KCNMA1: variants seen among roughly 807,000 people sequenced by gnomAD.
KCNMA1 encodes the protein Calcium-activated potassium channel subunit alpha-1.
In KCNMA1, 29 loss-of-function variants were observed where a neutral mutation model predicts 140.0. The ratio of observed to expected loss-of-function variants is 0.21; its 90% CI spans 0.15 to 0.28. The LOEUF is 0.28. Among genes scored for constraint, KCNMA1 ranks in the 10% least tolerant of loss-of-function variants. The pLI, the probability that KCNMA1 is intolerant of heterozygous loss-of-function variation, is 1.00. For missense variants in KCNMA1, 880 were observed against 1,602.2 expected (o/e 0.55, Z 7.70); for synonymous variants, 612 against 611.9 (o/e 1.00, Z 0.00).
intron 3 of KCNMA1, chr10:77,249,389 G>T (rs2054377092): frequency 6.6e-6 from 1 of 151,984 alleles, no homozygotes; most frequent in Non-Finnish European, 1.5e-5. Flanking sequence ...CAGAACAAAA[G>T]ACTGCCTCAT....
At chr10:77,603,804 G>A (rs1193384531) in intron 1 of KCNMA1, among the ~76,000 whole-genome samples, 1 of 152,182 alleles carries the variant, frequency 6.6e-6, no homozygotes, top group Non-Finnish European at 1.5e-5. Context: ...AAGGCAATAT[G>A]GCTCTCAGTG....
intron 1 of KCNMA1, among the ~76,000 whole-genome samples, chr10:77,524,989 C>T (rs2055024127): frequency 6.6e-6 from 1 of 152,218 alleles, no homozygotes; most frequent in Admixed American, 6.5e-5. Context: ...GACCCCCTAA[C>T]CCAGTCAATA....
intron 3 of KCNMA1, among the ~76,000 whole-genome samples, chr10:77,238,842 A>C (rs1002334024): frequency 6.6e-6 from 1 of 152,202 alleles, no homozygotes; most frequent in South Asian, 2.1e-4. Flanking sequence ...CCTGGCAGGC[A>C]AAATTTTTGC....
At chr10:77,078,759 A>G (rs1429666321) in intron 13 of KCNMA1, among the ~76,000 whole-genome samples, 1 of 152,212 alleles carries the variant, frequency 6.6e-6, no homozygotes, top group Non-Finnish European at 1.5e-5. Context: ...TGTCAGGGAG[A>G]GTGCTAATCA....
chr10:77,389,501 C>T (rs2095735738), intron 2 of KCNMA1, among the ~76,000 whole-genome samples: 1 of 152,124 alleles, frequency 6.6e-6, no homozygotes, highest in Non-Finnish European at 1.5e-5. Flanking sequence ...GCTGTTATCT[C>T]ACCCAAGAGC....
At chr10:77,602,295 C>T (rs1027341351) in intron 1 of KCNMA1, among the ~76,000 whole-genome samples, 19 of 152,082 alleles carry the variant, frequency 1.2e-4, no homozygotes, top group Non-Finnish European at 2.5e-4. Context: ...TAGCATGACA[C>T]GGGCTCAGAA....
At chr10:77,176,758 C>A (rs891678462) in intron 5 of KCNMA1, among the ~76,000 whole-genome samples, 36 of 152,098 alleles carry the variant, frequency 2.4e-4, no homozygotes, top group African/African-American at 8.2e-4. Flanking sequence ...AATAATATGC[C>A]CCTTTTGGTA....
In KCNMA1 at chr10:76,887,395, G is replaced by A. The variant is rs755827132; in HGVS notation, c.3582C>T (p.His1194=). The A allele has an allele frequency of 3.7e-6, 6 of 1,614,074 alleles. No individual in the cohort carries two copies. The highest frequency in any genetic ancestry group is 5.1e-6 in the Non-Finnish European group (6 of 1,180,054). Residue 1194 remains histidine, a synonymous_variant, in exon 28 of 28, where the codon CAC becomes CAT. Coordinates refer to ENST00000286628, the MANE Select transcript of KCNMA1 (RefSeq NM_001161352.2). ...TCTTCTTGCTGGAGGACTGCGACGA[G>A]TGGGAGGAATGGGACAGGCTGGCCC... is the stretch of plus-strand genomic sequence containing the variant. The part of the protein sequence containing the change: ...QSRASLSHSS[H]SSQSSSKKSS...
intron 5 of KCNMA1, among the ~76,000 whole-genome samples, chr10:77,125,217 T>G (rs902955648): frequency 2.6e-5 from 4 of 152,170 alleles, no homozygotes; most frequent in Admixed American, 1.3e-4. Flanking sequence ...CTGGACCCCT[T>G]GTGTTCTCTG....
chr10:76,912,809 T>A (rs1487388772), intron 24 of KCNMA1: 1 of 152,200 alleles, frequency 6.6e-6, no homozygotes, highest in Non-Finnish European at 1.5e-5. Flanking sequence ...GATGTTTGGA[T>A]TAATTTTCCA....
At chr10:77,298,357 C>T (rs1601695624) in intron 2 of KCNMA1, among the ~76,000 whole-genome samples, 1 of 152,102 alleles carries the variant, frequency 6.6e-6, no homozygotes, top group Non-Finnish European at 1.5e-5. Context: ...ATTCTCCTGC[C>T]TCAGCGTCCC....
At chr10:77,022,794 C>A in intron 16 of KCNMA1, 1 of 212,338 alleles carries the variant, frequency 4.7e-6, no homozygotes, top group South Asian at 5.4e-5. Flanking sequence ...TTTCAAAGAA[C>A]AAGCTACAAT....
rs2065268918 is a variant in KCNMA1, at chr10:76,949,010, G to A, written c.2709+132C>T. ...TTCCTTGACAGAGCATAGGGGAAGT[G>A]CTGAGTCCTCAGGCCCATACCCAGA... On this transcript the variant is annotated intron_variant, in intron 22 of 27. Transcript: ENST00000286628. 3.6e-6 allele frequency: 3 copies of A among 838,014 alleles called. No individual in the cohort carries two copies. In the African/African-American group the frequency reaches 5.0e-5, roughly 14 times the overall value. 51.9% of individuals were successfully genotyped at this position (838,014 alleles called of 1,614,324 possible). A position where few individuals can be genotyped will look rare whatever the true frequency, so the allele number is the denominator to read the frequency against.
rs943765990 is a variant in KCNMA1, at chr10:77,066,489, C to T, written c.1749+6608G>A. Among the ~76,000 whole-genome samples the T allele has an allele frequency of 2.6e-5, 4 of 152,124 alleles. No homozygotes were observed. The East Asian group carries it at 5.8e-4, about 22-fold the overall frequency. On this transcript the variant is annotated intron_variant, in intron 14 of 27. Transcript: ENST00000286628. ...GGTTTGTGGACAAAGAAAAGGAATT[C>T]GATTGTGGAATGGTAAGTCTGAGAG...
chr10:76,921,936 T>TA (rs1257755545), intron 23 of KCNMA1, among the ~76,000 whole-genome samples: 3 of 151,996 alleles, frequency 2.0e-5, no homozygotes, highest in African/African-American at 7.2e-5. Context: ...GTTTACTCAA[T>TA]AAAAAAAAGA....
intron 1 of KCNMA1, among the ~76,000 whole-genome samples, chr10:77,476,162 C>T (rs192805603): frequency 8.3e-4 from 127 of 152,342 alleles, no homozygotes; most frequent in Non-Finnish European, 2.1e-4. Flanking sequence ...CTGCTGGGAG[C>T]AGCTCAGAGG....
In KCNMA1 at chr10:77,581,026, T is replaced by C. The variant is rs372550955; in HGVS notation, c.378+56239A>G. 4.6e-5 allele frequency among the ~76,000 whole-genome samples: 7 copies of C among 152,348 alleles called. No homozygotes were observed. In the East Asian group the frequency reaches 1.2e-3, roughly 25 times the overall value. ...GGTCCCCACACCTGGGAAGAATCCATGCTTGGCTTAATGCTCTGCTATCAC... is the reference window on the plus strand; with the variant it reads ...GGTCCCCACACCTGGGAAGAATCCACGCTTGGCTTAATGCTCTGCTATCAC... On this transcript the variant is annotated intron_variant, in intron 1 of 27. Coordinates refer to ENST00000286628, the MANE Select transcript of KCNMA1 (RefSeq NM_001161352.2).
chr10:77,268,409 C>T (rs1476376798), intron 2 of KCNMA1, among the ~76,000 whole-genome samples: 3 of 152,116 alleles, frequency 2.0e-5, no homozygotes, highest in Non-Finnish European at 4.4e-5. Context: ...CATTTCCATG[C>T]TGCTAGTGGT....
chr10:77,411,952 C>A (rs950925789), intron 1 of KCNMA1, among the ~76,000 whole-genome samples: 1 of 152,244 alleles, frequency 6.6e-6, no homozygotes, highest in Non-Finnish European at 1.5e-5. Context: ...CCTCGCCATG[C>A]GTATCCTTGG....
Sources: allele counts gnomAD v4.1 joint callset (sites outside exome capture counted in the v4.1 genomes callset), GRCh38; gene constraint gnomAD v4.1.1; transcripts MANE v1.5; gene names NCBI Gene and HGNC (gene_info 2026-07-23, HGNC 2026-07-21).